The following CHRM3 variants were observed in gnomAD, a reference collection of about 807,000 sequenced individuals.
CHRM3 encodes muscarinic acetylcholine receptor M3.
A neutral mutation model predicts 41.8 loss-of-function variants in CHRM3; 11 were observed. The observed-to-expected ratio is 0.26, with a 90% CI of 0.17 to 0.44. The LOEUF is 0.44. Among genes scored for constraint, CHRM3 ranks in the 20% least tolerant of loss-of-function variants. The probability of loss-of-function intolerance (pLI) is 1.00; values close to 1 mark genes in which losing one functional copy is unlikely to be tolerated. For missense variants in CHRM3, 571 were observed against 745.4 expected (o/e 0.77, Z 2.72); for synonymous variants, 297 against 301.4 (o/e 0.99, Z 0.15).
chr1:239,682,539 A>C (rs1359161099), intron 5 of CHRM3, among the ~76,000 whole-genome samples: 4 of 152,158 alleles, frequency 2.6e-5, no homozygotes, highest in African/African-American at 9.7e-5. Context: ...GATTAAGCTT[A>C]CTTCATCTTG....
chr1:239,831,985 C>T lies in CHRM3; in HGVS notation c.-20+4607C>T, dbSNP rs139656965. Among the ~76,000 whole-genome samples the T allele has an allele frequency of 2.0e-3, 307 of 152,320 alleles. 1 individual carries two copies. Among genetic ancestry groups the T allele is most frequent in the African/African-American group, 7.1e-3 (295 of 41,576 alleles). ...CTTTATCTGTGTATTTACTGAAAGA[C>T]CATCACACTTTTGCCTCAGTTGTCA... On this transcript the variant is annotated intron_variant, in intron 6 of 6. Transcript: ENST00000676153.
At chr1:239,763,086 G>A (rs906783406) in intron 5 of CHRM3, among the ~76,000 whole-genome samples, 33 of 152,258 alleles carry the variant, frequency 2.2e-4, no homozygotes, top group Admixed American at 2.0e-3. Flanking sequence ...AACCCATGAG[G>A]AAATCTTATT....
chr1:239,582,471 C>G (rs1405862944), intron 3 of CHRM3, among the ~76,000 whole-genome samples: 1 of 152,072 alleles, frequency 6.6e-6, no homozygotes, highest in Non-Finnish European at 1.5e-5. Context: ...CCTGAGAGGC[C>G]ATGCACAGGG....
chr1:239,542,918 G>A (rs16838472), intron 2 of CHRM3, among the ~76,000 whole-genome samples: 6,082 of 152,262 alleles, frequency 0.04, 432 homozygotes, highest in African/African-American at 0.14. Flanking sequence ...GTATGTAGCA[G>A]ATTCTTCTCT....
chr1:239,772,443 G>A (rs559814010), intron 5 of CHRM3, among the ~76,000 whole-genome samples: 3 of 152,198 alleles, frequency 2.0e-5, no homozygotes, highest in East Asian at 1.9e-4. Flanking sequence ...GAGCCACCAT[G>A]CCCAGCCTAT....
chr1:239,642,983 A>T (rs188522339), intron 4 of CHRM3, among the ~76,000 whole-genome samples: 304 of 152,340 alleles, frequency 2.0e-3, no homozygotes, highest in African/African-American at 6.8e-3. Context: ...TCTTTCTAAC[A>T]GACAGGACCC....
chr1:239,485,925 T>C (rs895789580), intron 1 of CHRM3, among the ~76,000 whole-genome samples: 2 of 152,232 alleles, frequency 1.3e-5, no homozygotes, highest in African/African-American at 4.8e-5. Flanking sequence ...GTATTGTTTC[T>C]TTATAATTGT....
At chr1:239,401,338 C>T (rs947835782) in intron 1 of CHRM3, among the ~76,000 whole-genome samples, 1 of 152,184 alleles carries the variant, frequency 6.6e-6, no homozygotes, top group African/African-American at 2.4e-5. Flanking sequence ...CACACTGGCA[C>T]TCTCCACCCT....
chr1:239,842,991 C>T (rs577811057), intron 6 of CHRM3, among the ~76,000 whole-genome samples: 1 of 152,258 alleles, frequency 6.6e-6, no homozygotes, highest in African/African-American at 2.4e-5. Flanking sequence ...GATCATCTTG[C>T]TCTTCTCTCC....
intron 5 of CHRM3, among the ~76,000 whole-genome samples, chr1:239,727,127 G>A (rs1398769049): frequency 1.3e-5 from 2 of 151,752 alleles, no homozygotes; most frequent in Non-Finnish European, 2.9e-5. Context: ...TCAAAATAAA[G>A]CACTAACAAT....
At chr1:239,461,926 A>T (rs1020911762) in intron 1 of CHRM3, among the ~76,000 whole-genome samples, 3 of 151,964 alleles carry the variant, frequency 2.0e-5, no homozygotes, top group African/African-American at 7.3e-5. Context: ...CCCACTTTCA[A>T]AAGCAAATAA....
chr1:239,738,252 C>T (rs1664551601), intron 5 of CHRM3, among the ~76,000 whole-genome samples: 2 of 152,154 alleles, frequency 1.3e-5, no homozygotes, highest in African/African-American at 2.4e-5. Context: ...AGTCCTCCTC[C>T]CTGATAACCC....
intron 3 of CHRM3, among the ~76,000 whole-genome samples, chr1:239,597,712 T>G (rs1664949540): frequency 6.6e-6 from 1 of 151,938 alleles, no homozygotes; most frequent in African/African-American, 2.4e-5. Flanking sequence ...ACAAATATGC[T>G]TTAGTAATTC....
chr1:239,604,036 T>G (rs1038433068), intron 3 of CHRM3, among the ~76,000 whole-genome samples: 2 of 152,180 alleles, frequency 1.3e-5, no homozygotes, highest in African/African-American at 4.8e-5. Flanking sequence ...AGGGGATTCA[T>G]AAAATGTGTA....
At chr1:239,581,399 C>A (rs1472459916) in intron 3 of CHRM3, among the ~76,000 whole-genome samples, 1 of 117,338 alleles carries the variant, frequency 8.5e-6, no homozygotes, top group Non-Finnish European at 1.6e-5. Context: ...AAATACGGGC[C>A]TGTTTAACAT....
chr1:239,636,867 TTCA>T, intron 4 of CHRM3, among the ~76,000 whole-genome samples: 1 of 152,326 alleles, frequency 6.6e-6, no homozygotes, highest in Admixed American at 6.5e-5. Context: ...TCAGCTTTTC[TTCA>T]TCAGCTGTGT....
rs755196893 is a variant in CHRM3 at position 239,596,585 on chromosome 1, T to C, written c.-312-35639T>C. On this transcript the variant is annotated intron_variant, in intron 3 of 6. Transcript: ENST00000676153. ...GATCAAAATATATTTCAAAGATAAG[T>C]ATATACCTGATGAATTTTAATTTTA... is the stretch of plus-strand genomic sequence containing the variant. Among the ~76,000 whole-genome samples, 12 of 152,312 alleles carry C rather than the reference T, an allele frequency of 7.9e-5. No individual in the cohort carries two copies. The South Asian group carries it at 1.4e-3, about 18-fold the overall frequency.
At chr1:239,673,319 G>A (rs548345615) in intron 4 of CHRM3, among the ~76,000 whole-genome samples, 29 of 152,296 alleles carry the variant, frequency 1.9e-4, no homozygotes, top group African/African-American at 7.0e-4. Flanking sequence ...AAAGTCATAT[G>A]CAATAGCAAT....
At chr1:239,466,626 A>G (rs1016495992) in intron 1 of CHRM3, among the ~76,000 whole-genome samples, 11 of 151,856 alleles carry the variant, frequency 7.2e-5, no homozygotes, top group Admixed American at 1.3e-4. Context: ...ATTATGTATT[A>G]TAATATTATA....
Sources: allele counts gnomAD v4.1 joint callset (sites outside exome capture counted in the v4.1 genomes callset), GRCh38; gene constraint gnomAD v4.1.1; transcripts MANE v1.5; gene names NCBI Gene and HGNC (gene_info 2026-07-23, HGNC 2026-07-21).